WWP1: variants seen among roughly 807,000 people sequenced by gnomAD.
WWP1 encodes NEDD4-like E3 ubiquitin-protein ligase WWP1.
WWP1 carries 49 observed loss-of-function variants against 130.6 expected under a neutral mutation model. The ratio of observed to expected loss-of-function variants is 0.38; its 90% CI spans 0.30 to 0.48. The LOEUF (loss-of-function observed/expected upper bound fraction) is 0.48, where lower values mean the gene tolerates loss of function less well. Among genes scored for constraint, WWP1 ranks in the 20% least tolerant of loss-of-function variants. The pLI is 0.99. For missense variants in WWP1, 809 were observed against 1,100.6 expected (o/e 0.74, Z 3.75); for synonymous variants, 332 against 367.8 (o/e 0.90, Z 1.11).
intron 10 of WWP1, among the ~76,000 whole-genome samples, chr8:86,426,810 C>T (rs564519787): frequency 6.6e-6 from 1 of 152,224 alleles, no homozygotes; most frequent in South Asian, 2.1e-4. Context: ...TGGGCATTGG[C>T]TATAGAGCAG....
At chr8:86,382,420 T>TG (rs1825034180) in intron 5 of WWP1, among the ~76,000 whole-genome samples, 2 of 152,242 alleles carry the variant, frequency 1.3e-5, no homozygotes, top group African/African-American at 4.8e-5. Context: ...GGGTTCTAGC[T>TG]GGGGGTGGTG....
intron 9 of WWP1, among the ~76,000 whole-genome samples, chr8:86,420,253 A>G (rs550062679): frequency 1.2e-4 from 18 of 152,360 alleles, no homozygotes; most frequent in Admixed American, 1.2e-3. Context: ...AGGTGCAATC[A>G]TAGAACAGCT....
intron 5 of WWP1, among the ~76,000 whole-genome samples, chr8:86,390,568 C>T (rs1451367633): frequency 6.6e-6 from 1 of 152,158 alleles, no homozygotes; most frequent in Non-Finnish European, 1.5e-5. Context: ...GCAGCGGGCG[C>T]CTGCAATCCC....
chr8:86,364,570 C>G (rs936756593), intron 1 of WWP1, among the ~76,000 whole-genome samples: 1 of 151,974 alleles, frequency 6.6e-6, no homozygotes, highest in African/African-American at 2.4e-5. Context: ...CTTTGGGAGT[C>G]TGGGGTGGGA....
intron 24 of WWP1, among the ~76,000 whole-genome samples, chr8:86,462,645 A>G (rs1463181025): frequency 6.6e-6 from 1 of 152,258 alleles, no homozygotes; most frequent in Non-Finnish European, 1.5e-5. Context: ...GAGAGTAGTT[A>G]GAAAATTGTT....
In WWP1 at chr8:86,383,698, G is replaced by A. The variant is rs371982197; in HGVS notation, c.334+2069G>A. Among the ~76,000 whole-genome samples the A allele has an allele frequency of 1.1e-4, 17 of 152,066 alleles. No individual in the cohort carries two copies. The East Asian group carries it at 1.7e-3, about 16-fold the overall frequency. On this transcript the variant is annotated intron_variant, in intron 5 of 24. Transcript: ENST00000517970. ...GGAGGTTGCAGTGAACTGAGATTGC[G>A]CCACTGCACTCCAAGCCTGGGCTAC...
In WWP1 at chr8:86,468,090, A is replaced by G; in HGVS notation, c.*1197A>G. The G allele has an allele frequency of 5.7e-6, 1 of 175,310 alleles. No individual in the cohort carries two copies. The highest frequency in any genetic ancestry group is 1.2e-5 in the Non-Finnish European group (1 of 82,530). The allele number at this position is 175,310 out of a possible 1,614,324, so 10.9% of individuals were successfully genotyped here. A position where few individuals can be genotyped will look rare whatever the true frequency, so the allele number is the denominator to read the frequency against. ...ATCTGATGTGAATGATATTAATGCT[A>G]CTTTTAGCAAACTGGGCTTCCTAAT... On this transcript the variant is annotated 3_prime_UTR_variant, in exon 25 of 25. Transcript: ENST00000517970.
chr8:86,400,937 G>A (rs1807940980), intron 7 of WWP1, among the ~76,000 whole-genome samples: 2 of 151,990 alleles, frequency 1.3e-5, no homozygotes, highest in Non-Finnish European at 1.5e-5. Context: ...GAGCAGTTAT[G>A]GGATGACCTG....
intron 3 of WWP1, among the ~76,000 whole-genome samples, chr8:86,375,627 G>A (rs974409319): frequency 6.6e-5 from 10 of 151,664 alleles, no homozygotes; most frequent in African/African-American, 2.4e-4. Context: ...TTTCATCATT[G>A]CGCCATATCC....
intron 1 of WWP1, among the ~76,000 whole-genome samples, chr8:86,347,413 G>A (rs1822649023): frequency 6.6e-6 from 1 of 152,188 alleles, no homozygotes; most frequent in Non-Finnish European, 1.5e-5. Context: ...TTGTTCCTAT[G>A]TCAGTATTCT....
At chr8:86,363,240 G>A (rs537959826) in intron 1 of WWP1, among the ~76,000 whole-genome samples, 35 of 152,216 alleles carry the variant, frequency 2.3e-4, no homozygotes, top group South Asian at 1.9e-3. Context: ...TTAATGTCAG[G>A]TTACTTTTTT....
chr8:86,342,662 TC>T lies in WWP1; in HGVS notation c.-380del. The T allele has an allele frequency of 3.6e-6, 1 of 275,938 alleles. No homozygotes were observed. Among genetic ancestry groups the T allele is most frequent in the Non-Finnish European group, 6.4e-6 (1 of 155,850 alleles). The allele number at this position is 275,938 out of a possible 1,614,324, so 17.1% of individuals were successfully genotyped here. The stretch of plus-strand genomic sequence containing the variant: ...CCGGCGACGCGGCCACGCGGCGCGC[TC>T]CCGAGGAAGGGAGGTGTGGGGTCGG... On this transcript the variant is annotated 5_prime_UTR_variant, in exon 1 of 25. Transcript: ENST00000517970.
chr8:86,399,510 C>A (rs1411791433), intron 7 of WWP1, among the ~76,000 whole-genome samples: 1 of 152,202 alleles, frequency 6.6e-6, no homozygotes, highest in Non-Finnish European at 1.5e-5. Flanking sequence ...TAGTATATGA[C>A]AAAGTGTGAC....
intron 5 of WWP1, among the ~76,000 whole-genome samples, chr8:86,392,022 C>T (rs564586799): frequency 6.6e-6 from 1 of 152,290 alleles, no homozygotes; most frequent in African/African-American, 2.4e-5. Context: ...ACAATAAATT[C>T]TTTTGGCAGC....
intron 1 of WWP1, among the ~76,000 whole-genome samples, chr8:86,356,039 C>G (rs186430329): frequency 2.0e-5 from 3 of 152,262 alleles, no homozygotes; most frequent in Non-Finnish European, 4.4e-5. Flanking sequence ...ATAATGATGA[C>G]TCTAATGGAT....
chr8:86,461,953 G>C lies in WWP1; in HGVS notation c.2669+107G>C, dbSNP rs971170393. 1.5e-5 allele frequency: 13 copies of C among 861,024 alleles called. No individual in the cohort carries two copies. The Admixed American group carries it at 1.9e-4, about 13-fold the overall frequency. The allele number at this position is 861,024 out of a possible 1,614,324, so 53.3% of individuals were successfully genotyped here. A position where few individuals can be genotyped will look rare whatever the true frequency, so the allele number is the denominator to read the frequency against. On this transcript the variant is annotated intron_variant, in intron 24 of 24. Transcript: ENST00000517970. ...GTATAACTGCTTATTCATTAAAGTA[G>C]TCAGAATTTCAATTTTGAGAACAGA...
chr8:86,355,277 A>G (rs1481940060), intron 1 of WWP1, among the ~76,000 whole-genome samples: 1 of 152,094 alleles, frequency 6.6e-6, no homozygotes, highest in Non-Finnish European at 1.5e-5. Context: ...ACAGTGTAGA[A>G]GAGTGCTAGT....
chr8:86,421,834 AT>A (rs1239770924), intron 9 of WWP1, among the ~76,000 whole-genome samples: 1 of 151,740 alleles, frequency 6.6e-6, no homozygotes, highest in Non-Finnish European at 1.5e-5. Flanking sequence ...AAAAAAAAAA[AT>A]TTTTTTTGAA....
chr8:86,455,436 C>T (rs1811381570), intron 21 of WWP1, among the ~76,000 whole-genome samples: 1 of 151,732 alleles, frequency 6.6e-6, no homozygotes, highest in African/African-American at 2.4e-5. Context: ...CCTAGGTAAC[C>T]CACCAAAAAA....
Sources: allele counts gnomAD v4.1 joint callset (sites outside exome capture counted in the v4.1 genomes callset), GRCh38; gene constraint gnomAD v4.1.1; transcripts MANE v1.5; gene names NCBI Gene and HGNC (gene_info 2026-07-23, HGNC 2026-07-21).